The following PARN variants were observed in gnomAD, a reference collection of about 807,000 sequenced individuals.
PARN encodes poly(A)-specific ribonuclease PARN.
A neutral mutation model predicts 102.8 loss-of-function variants in PARN; 71 were observed. That is an observed-to-expected ratio of 0.69 (90% confidence interval 0.57 to 0.84). The LOEUF (loss-of-function observed/expected upper bound fraction) is 0.84. Ranked by LOEUF, PARN falls within the 40% of genes least tolerant of loss-of-function variation. The probability of loss-of-function intolerance (pLI) is 0.00; values close to 1 mark genes in which losing one functional copy is unlikely to be tolerated. For missense variants in PARN, 782 were observed against 760.9 expected, an observed-to-expected ratio of 1.03 and a Z score of -0.33; for synonymous variants, 261 against 252.9, an observed-to-expected ratio of 1.03 and a Z score of -0.30.
At chr16:14,472,760 A>G (rs1009964215) in intron 22 of PARN, among the ~76,000 whole-genome samples, 7 of 152,248 alleles carry the variant, frequency 4.6e-5, no homozygotes, top group Non-Finnish European at 1.0e-4. Context: ...AACATTTAAG[A>G]AAATTACTTC....
intron 21 of PARN, among the ~76,000 whole-genome samples, chr16:14,529,366 T>C (rs2151665620): frequency 6.6e-6 from 1 of 152,366 alleles, no homozygotes; most frequent in East Asian, 1.9e-4. Flanking sequence ...TTTCAAGTTT[T>C]GTAAGCCAGA....
chr16:14,623,431 T>C (rs1382212899), intron 5 of PARN, among the ~76,000 whole-genome samples: 1 of 151,792 alleles, frequency 6.6e-6, no homozygotes, highest in African/African-American at 2.4e-5. Flanking sequence ...GGAGGATCGC[T>C]TGAACCCAGG....
chr16:14,461,352 T>C (rs773809387), intron 22 of PARN, among the ~76,000 whole-genome samples: 2 of 152,230 alleles, frequency 1.3e-5, no homozygotes, highest in African/African-American at 4.8e-5. Context: ...AAAAAACTTA[T>C]TCAGGGTAGT....
chr16:14,458,731 C>T (rs1247388379), intron 22 of PARN, among the ~76,000 whole-genome samples: 2 of 152,118 alleles, frequency 1.3e-5, no homozygotes, highest in Non-Finnish European at 2.9e-5. Context: ...GGAGCCATGT[C>T]AGGAGGGAGC....
intron 6 of PARN, among the ~76,000 whole-genome samples, chr16:14,611,246 G>C (rs778274222): frequency 6.6e-6 from 1 of 152,200 alleles, no homozygotes; most frequent in African/African-American, 2.4e-5. Context: ...GACGGTTCCA[G>C]GAGCAGCAAG....
At chr16:14,473,223 G>T (rs1484921495) in intron 22 of PARN, among the ~76,000 whole-genome samples, 1 of 152,156 alleles carries the variant, frequency 6.6e-6, no homozygotes, top group Non-Finnish European at 1.5e-5. Flanking sequence ...GAGGAATGAA[G>T]ATTTTCCTCC....
intron 13 of PARN, among the ~76,000 whole-genome samples, chr16:14,592,298 G>A (rs1970249000): frequency 6.6e-6 from 1 of 152,188 alleles, no homozygotes; most frequent in South Asian, 2.1e-4. Context: ...TATCCAGGTA[G>A]GGATGTCTGG....
chr16:14,471,596 C>T (rs1962744762), intron 22 of PARN, among the ~76,000 whole-genome samples: 1 of 152,112 alleles, frequency 6.6e-6, no homozygotes, highest in Non-Finnish European at 1.5e-5. Context: ...AGCATTAAGT[C>T]CACTCACACT....
At chr16:14,507,348 C>T (rs927958553) in intron 21 of PARN, among the ~76,000 whole-genome samples, 1 of 150,358 alleles carries the variant, frequency 6.7e-6, no homozygotes, top group Non-Finnish European at 1.5e-5. Flanking sequence ...AGAAGAAATT[C>T]TGATTCTGAA....
At chr16:14,593,936 G>A (rs903410575) in intron 12 of PARN, among the ~76,000 whole-genome samples, 1 of 151,986 alleles carries the variant, frequency 6.6e-6, no homozygotes, top group Non-Finnish European at 1.5e-5. Flanking sequence ...GGCAGAGGCT[G>A]CAGTGAGCCA....
At chr16:14,507,497 G>A (rs1242117080) in intron 21 of PARN, among the ~76,000 whole-genome samples, 1 of 151,766 alleles carries the variant, frequency 6.6e-6, no homozygotes, top group Non-Finnish European at 1.5e-5. Flanking sequence ...AGGAGTATGA[G>A]ACCGACCTGG....
intron 21 of PARN, among the ~76,000 whole-genome samples, chr16:14,483,871 G>A (rs564344704): frequency 6.6e-6 from 1 of 152,164 alleles, no homozygotes; most frequent in South Asian, 2.1e-4. Context: ...TAGTTTTGGG[G>A]GAACAGGTGG....
chr16:14,624,871 GA>G (rs1448607869), intron 5 of PARN, among the ~76,000 whole-genome samples: 1 of 152,074 alleles, frequency 6.6e-6, no homozygotes, highest in African/African-American at 2.4e-5. Context: ...GACCAACATG[GA>G]AAAACCCTAT....
At chr16:14,496,195 C>T (rs763364164) in intron 21 of PARN, among the ~76,000 whole-genome samples, 28 of 152,160 alleles carry the variant, frequency 1.8e-4, no homozygotes, top group Non-Finnish European at 2.5e-4. Context: ...GTGTGAAGCC[C>T]GAGCTCCCTG....
intron 21 of PARN, among the ~76,000 whole-genome samples, chr16:14,512,106 A>G (rs1207711603): frequency 1.3e-5 from 2 of 152,230 alleles, no homozygotes; most frequent in East Asian, 3.8e-4. Context: ...ATTGTGTACA[A>G]AAGTCAGTAT....
At chr16:14,502,912 C>A (rs940349335) in intron 21 of PARN, among the ~76,000 whole-genome samples, 5 of 152,076 alleles carry the variant, frequency 3.3e-5, no homozygotes, top group African/African-American at 1.2e-4. Context: ...TGGATTTTAC[C>A]AGAGATCAGG....
chr16:14,593,492 TAAAAAAAAAAAAAAAAAAAAA>T (rs35329440), intron 12 of PARN, 114 bp from the exon 13 acceptor site: 3 of 31,794 alleles, frequency 9.4e-5, no homozygotes, highest in African/African-American at 4.2e-4. Flanking sequence ...TTTCCAGACT[TAAAAAAAAAAAAAAAAAAAAA>T]AAAAAAAAAA....
intron 10 of PARN, 130 bp from the exon 11 acceptor site, chr16:14,604,356 G>C (rs1037900174): frequency 3.2e-6 from 2 of 616,488 alleles, no homozygotes; most frequent in Non-Finnish European, 5.7e-6. Flanking sequence ...CGCCTCCTGG[G>C]TTCAAGCGAT....
At chr16:14,612,596 T>G (rs1567450832) in intron 6 of PARN, among the ~76,000 whole-genome samples, 1 of 151,966 alleles carries the variant, frequency 6.6e-6, no homozygotes, top group Non-Finnish European at 1.5e-5. Context: ...ATACTATTTT[T>G]TTTTCTTTTT....
Sources: gnomAD v4.1 joint callset for allele counts (sites outside exome capture counted in the v4.1 genomes callset) on GRCh38, gnomAD v4.1.1 for gene constraint, MANE v1.5 for transcripts, NCBI Gene and HGNC (gene_info 2026-07-23, HGNC 2026-07-21) for gene names.